FER1L6: variants seen among roughly 807,000 people sequenced by gnomAD.
The protein encoded by FER1L6 is fer-1-like protein 6.
In FER1L6, 177 loss-of-function variants were observed where a neutral mutation model predicts 219.2. That is an observed-to-expected ratio of 0.81 (90% CI 0.71 to 0.91). The LOEUF is 0.91. Ranked by LOEUF, FER1L6 falls within the 40% of genes least tolerant of loss-of-function variation. FER1L6 has a pLI of 0.00. For missense variants in FER1L6, 2,153 were observed against 2,259.9 expected (o/e 0.95, Z 0.96); for synonymous variants, 768 against 824.3 (o/e 0.93, Z 1.17).
intron 32 of FER1L6, among the ~76,000 whole-genome samples, chr8:124,077,127 C>A (rs549152053): frequency 7.2e-5 from 11 of 152,328 alleles, no homozygotes; most frequent in Non-Finnish European, 1.5e-4. Flanking sequence ...GCTCTACAAC[C>A]TTATGCAGAT....
chr8:123,921,303 A>G (rs1462727877), intron 1 of FER1L6, among the ~76,000 whole-genome samples: 1 of 152,166 alleles, frequency 6.6e-6, no homozygotes, highest in Non-Finnish European at 1.5e-5. Context: ...CGTTCCTGCC[A>G]ACATTGTGCA....
Position 123,986,058 on chromosome 8 carries a change from C to T in FER1L6, c.1411-10C>T, listed in dbSNP as rs771120160. 7.1e-6 allele frequency: 11 copies of T among 1,553,704 alleles called. No individual in the cohort carries two copies. The highest frequency in any genetic ancestry group is 9.8e-6 in the Non-Finnish European group (11 of 1,125,840). On this transcript the variant is annotated splice_polypyrimidine_tract_variant and intron_variant, in intron 11 of 40. Coordinates refer to ENST00000522917, the MANE Select transcript of FER1L6 (RefSeq NM_001039112.2). ...CAGTTCTGCCTAATAATTTTGTTTT[C>T]TTTCTGTAGATTGTACCAGAAAAAA...
At chr8:124,037,974 A>G (rs1045291788) in intron 19 of FER1L6, among the ~76,000 whole-genome samples, 6 of 152,028 alleles carry the variant, frequency 3.9e-5, no homozygotes, top group Admixed American at 3.3e-4. Flanking sequence ...TCTTCTGTCC[A>G]TGGCTAGCTT....
intron 21 of FER1L6, among the ~76,000 whole-genome samples, chr8:124,049,076 T>A (rs1200415204): frequency 6.6e-6 from 1 of 151,684 alleles, no homozygotes; most frequent in East Asian, 1.9e-4. Flanking sequence ...TTTTGAGACA[T>A]CTCTCTCTGT....
intron 1 of FER1L6, among the ~76,000 whole-genome samples, chr8:123,952,577 G>T (rs1235022240): frequency 1.3e-5 from 2 of 152,132 alleles, no homozygotes; most frequent in East Asian, 1.9e-4. Flanking sequence ...AAGTGGGAGG[G>T]TTCTCATGCT....
At chr8:123,949,455 A>G (rs1368188393) in intron 1 of FER1L6, among the ~76,000 whole-genome samples, 1 of 152,176 alleles carries the variant, frequency 6.6e-6, no homozygotes, top group Non-Finnish European at 1.5e-5. Context: ...GGGTCAGTGT[A>G]TTGGTGTTCC....
chr8:123,868,443 T>C (rs1816873041), intron 1 of FER1L6, among the ~76,000 whole-genome samples: 1 of 152,230 alleles, frequency 6.6e-6, no homozygotes, highest in Non-Finnish European at 1.5e-5. Context: ...AAGAGAGCTC[T>C]TTCATTTCCC....
chr8:124,017,655 GC>G lies in FER1L6; in HGVS notation c.1953del (p.Lys652ArgfsTer3). 3 of 1,613,630 alleles carry G rather than the reference GC, an allele frequency of 1.9e-6. No individual in the cohort carries two copies. The highest frequency in any genetic ancestry group is 1.7e-6 in the Non-Finnish European group (2 of 1,179,666). Reference sequence around the variant, plus strand: ...CCTTTATCTCTGAAGCAGAAAAAAAGCCCAAGATGTTGAACCAAACCACTTT... The same window carrying G: ...CCTTTATCTCTGAAGCAGAAAAAAAGCCAAGATGTTGAACCAAACCACTTT... ...SAFISEAEKKPKMLNQTTLDK... is the reference protein window; with the variant it reads ...SAFISEAEKKXKMLNQTTLDK... On this transcript the variant is annotated frameshift_variant, in exon 16 of 41. Coordinates refer to ENST00000522917, the MANE Select transcript of FER1L6 (RefSeq NM_001039112.2). LOFTEE classifies it high-confidence loss of function.
chr8:123,905,443 G>C (rs1472623270), intron 1 of FER1L6, among the ~76,000 whole-genome samples: 1 of 152,136 alleles, frequency 6.6e-6, no homozygotes, highest in East Asian at 1.9e-4. Flanking sequence ...GTATCCCATG[G>C]TGTATATGTA....
At chr8:123,894,404 T>A (rs1244649361) in intron 1 of FER1L6, among the ~76,000 whole-genome samples, 1 of 152,216 alleles carries the variant, frequency 6.6e-6, no homozygotes, top group African/African-American at 2.4e-5. Context: ...TGGCAATAAT[T>A]GTTGTCTCAG....
intron 22 of FER1L6, among the ~76,000 whole-genome samples, chr8:124,055,061 A>G (rs1820221408): frequency 1.3e-5 from 2 of 152,188 alleles, no homozygotes; most frequent in Non-Finnish European, 2.9e-5. Context: ...AGTCTTTTGG[A>G]TCAACTGATG....
At chr8:124,096,113 G>A (rs930312327) in intron 35 of FER1L6, among the ~76,000 whole-genome samples, 6 of 152,172 alleles carry the variant, frequency 3.9e-5, no homozygotes, top group Non-Finnish European at 8.8e-5. Context: ...ACGTGTGGAC[G>A]ACCGCGTTGA....
intron 1 of FER1L6, among the ~76,000 whole-genome samples, chr8:123,923,075 A>C (rs906698469): frequency 6.6e-6 from 1 of 152,234 alleles, no homozygotes; most frequent in African/African-American, 2.4e-5. Flanking sequence ...TTTCTGCCGA[A>C]TAAGCTGCTA....
intron 8 of FER1L6, among the ~76,000 whole-genome samples, chr8:123,975,567 T>C (rs1460004032): frequency 6.6e-6 from 1 of 152,190 alleles, no homozygotes; most frequent in Non-Finnish European, 1.5e-5. Flanking sequence ...GCTTATCCAA[T>C]TTTTCTGAAT....
intron 1 of FER1L6, among the ~76,000 whole-genome samples, chr8:123,948,382 T>C (rs966623484): frequency 3.3e-5 from 5 of 152,230 alleles, no homozygotes; most frequent in African/African-American, 1.2e-4. Flanking sequence ...CTTAAGTGTA[T>C]GAATTGAAAA....
At chr8:123,970,922 G>C (rs1815776948) in intron 6 of FER1L6, among the ~76,000 whole-genome samples, 1 of 152,182 alleles carries the variant, frequency 6.6e-6, no homozygotes, top group Non-Finnish European at 1.5e-5. Context: ...TACCTTACCA[G>C]CGTGACAGAT....
intron 1 of FER1L6, among the ~76,000 whole-genome samples, chr8:123,865,752 G>A (rs1488111005): frequency 2.0e-5 from 3 of 151,274 alleles, no homozygotes; most frequent in Non-Finnish European, 2.9e-5. Context: ...TTCCAGGTGC[G>A]TCCGTCACCC....
intron 10 of FER1L6, among the ~76,000 whole-genome samples, chr8:123,978,875 G>A (rs1249542563): frequency 6.6e-6 from 1 of 152,136 alleles, no homozygotes; most frequent in Admixed American, 6.5e-5. Flanking sequence ...CCACAAGATT[G>A]CTATATGCAG....
At chr8:123,977,158 A>G (rs1340323243) in intron 9 of FER1L6, among the ~76,000 whole-genome samples, 2 of 152,224 alleles carry the variant, frequency 1.3e-5, no homozygotes, top group Non-Finnish European at 2.9e-5. Flanking sequence ...GGAGTTGCAC[A>G]GAACTCCCAT....
Sources: gnomAD v4.1 joint callset for allele counts (sites outside exome capture counted in the v4.1 genomes callset) on GRCh38, gnomAD v4.1.1 for gene constraint, MANE v1.5 for transcripts, NCBI Gene and HGNC (gene_info 2026-07-23, HGNC 2026-07-21) for gene names.